Variants in CTNNA3 observed in about 807,000 individuals in gnomAD.
CTNNA3 encodes catenin alpha-3.
CTNNA3 carries 76 observed loss-of-function variants against 95.7 expected under a neutral mutation model. The ratio of observed to expected loss-of-function variants is 0.79; its 90% confidence interval spans 0.66 to 0.96. CTNNA3 has a LOEUF of 0.96. CTNNA3 is among the 40% of genes least tolerant of loss of function. The pLI is 0.00. For missense variants in CTNNA3, 1,191 were observed against 1,089.8 expected (o/e 1.09, Z -1.31); for synonymous variants, 431 against 374.4 (o/e 1.15, Z -1.74).
At chr10:67,568,827 T>C (rs1460358412) in intron 3 of CTNNA3, among the ~76,000 whole-genome samples, 1 of 152,126 alleles carries the variant, frequency 6.6e-6, no homozygotes, top group Non-Finnish European at 1.5e-5. Flanking sequence ...TCACAGCCTA[T>C]ATATGGTTTC....
At chr10:66,512,332 T>C (rs1200480035) in intron 11 of CTNNA3, among the ~76,000 whole-genome samples, 2 of 152,114 alleles carry the variant, frequency 1.3e-5, no homozygotes, top group African/African-American at 2.4e-5. Flanking sequence ...AGCCAGTTTA[T>C]ATATTTCAAT....
intron 3 of CTNNA3, among the ~76,000 whole-genome samples, chr10:67,595,864 C>T (rs1842920070): frequency 6.6e-6 from 1 of 152,128 alleles, no homozygotes; most frequent in African/African-American, 2.4e-5. Flanking sequence ...GAATTGAACC[C>T]TTTAACATTA....
At chr10:66,341,652 T>C (rs150267467) in intron 12 of CTNNA3, among the ~76,000 whole-genome samples, 1 of 152,002 alleles carries the variant, frequency 6.6e-6, no homozygotes, top group African/African-American at 2.4e-5. Flanking sequence ...AGTCACAGAA[T>C]AAAATCTAAG....
At chr10:66,384,599 C>A (rs1242398838) in intron 11 of CTNNA3, among the ~76,000 whole-genome samples, 1 of 152,202 alleles carries the variant, frequency 6.6e-6, no homozygotes, top group African/African-American at 2.4e-5. Flanking sequence ...ACCTAATAGA[C>A]ATCTACAGAA....
chr10:65,969,414 G>A (rs2078048970), intron 16 of CTNNA3, among the ~76,000 whole-genome samples: 2 of 152,138 alleles, frequency 1.3e-5, no homozygotes, highest in African/African-American at 4.8e-5. Context: ...TAGTTCTCCA[G>A]CTATGGTCCC....
chr10:66,491,367 A>G (rs1162199099), intron 11 of CTNNA3, among the ~76,000 whole-genome samples: 1 of 152,226 alleles, frequency 6.6e-6, no homozygotes, highest in Non-Finnish European at 1.5e-5. Context: ...CTTGTTCTCC[A>G]GAACCATATA....
intron 5 of CTNNA3, among the ~76,000 whole-genome samples, chr10:67,298,350 T>C (rs1304059240): frequency 6.6e-6 from 1 of 152,178 alleles, no homozygotes; most frequent in Non-Finnish European, 1.5e-5. Flanking sequence ...TGCTTGATGG[T>C]GGATGGGGTT....
intron 2 of CTNNA3, among the ~76,000 whole-genome samples, chr10:67,616,805 A>G (rs1010061386): frequency 2.0e-5 from 3 of 152,224 alleles, no homozygotes; most frequent in African/African-American, 7.2e-5. Flanking sequence ...TATGTTTCGT[A>G]TAGGTTACTT....
At chr10:66,279,874 A>G (rs1589024085) in intron 13 of CTNNA3, among the ~76,000 whole-genome samples, 2 of 152,064 alleles carry the variant, frequency 1.3e-5, no homozygotes, top group East Asian at 3.9e-4. Context: ...GAGGGAAAAC[A>G]ATCCTGGTTT....
At chr10:66,414,370 G>A (rs914382607) in intron 11 of CTNNA3, among the ~76,000 whole-genome samples, 3 of 152,136 alleles carry the variant, frequency 2.0e-5, no homozygotes, top group African/African-American at 7.2e-5. Context: ...GGAGAAGGAA[G>A]CAAGCAGCCT....
At chr10:67,164,036 T>C (rs1393878600) in intron 7 of CTNNA3, among the ~76,000 whole-genome samples, 3 of 151,944 alleles carry the variant, frequency 2.0e-5, no homozygotes, top group African/African-American at 7.2e-5. Flanking sequence ...ACAGTAAATA[T>C]GTCAATTCTC....
chr10:66,530,419 T>C (rs1841426181), intron 10 of CTNNA3, among the ~76,000 whole-genome samples: 1 of 152,206 alleles, frequency 6.6e-6, no homozygotes, highest in East Asian at 1.9e-4. Context: ...GTTGCTTAAA[T>C]GATGTTCTAC....
intron 12 of CTNNA3, among the ~76,000 whole-genome samples, chr10:66,309,734 T>C (rs1453392938): frequency 1.0e-5 from 1 of 96,450 alleles, no homozygotes. Context: ...CAACCTTATA[T>C]AGATAGGGAA....
At chr10:66,242,197 T>A (rs538163915) in intron 13 of CTNNA3, among the ~76,000 whole-genome samples, 1 of 152,272 alleles carries the variant, frequency 6.6e-6, no homozygotes, top group Non-Finnish European at 1.5e-5. Context: ...TTAGCCTCCA[T>A]AACTGTAAAA....
intron 2 of CTNNA3, among the ~76,000 whole-genome samples, chr10:67,607,881 C>T (rs1331481224): frequency 6.6e-6 from 1 of 152,198 alleles, no homozygotes; most frequent in East Asian, 1.9e-4. Flanking sequence ...CTATTTTTTA[C>T]ATTGTTCTGG....
chr10:67,519,165 A>G (rs1839908539), intron 5 of CTNNA3, among the ~76,000 whole-genome samples: 2 of 152,190 alleles, frequency 1.3e-5, no homozygotes, highest in Non-Finnish European at 2.9e-5. Context: ...AAAGCACAGT[A>G]ACCTCAGAAA....
chr10:67,698,889 CTTA>C (rs1446956559), upstream of CTNNA3, among the ~76,000 whole-genome samples: 1 of 151,980 alleles, frequency 6.6e-6, no homozygotes, highest in African/African-American at 2.4e-5. Flanking sequence ...CCCAACCATC[CTTA>C]TTATTAGCAG....
chr10:67,481,209 A>C (rs1002508882), intron 5 of CTNNA3, among the ~76,000 whole-genome samples: 1 of 152,160 alleles, frequency 6.6e-6, no homozygotes, highest in Non-Finnish European at 1.5e-5. Context: ...TCCCCTGGAG[A>C]GCTGAAACAA....
chr10:66,872,938 C>T (rs993531972), intron 7 of CTNNA3, among the ~76,000 whole-genome samples: 1 of 152,114 alleles, frequency 6.6e-6, no homozygotes, highest in Admixed American at 6.6e-5. Flanking sequence ...TAAGTGAGAA[C>T]ATCTGATATT....
Sources: gnomAD v4.1 joint callset for allele counts (sites outside exome capture counted in the v4.1 genomes callset) on GRCh38, gnomAD v4.1.1 for gene constraint, MANE v1.5 for transcripts, NCBI Gene and HGNC (gene_info 2026-07-23, HGNC 2026-07-21) for gene names.